NCOA3: variants seen among roughly 807,000 people sequenced by gnomAD.
The protein encoded by NCOA3 is nuclear receptor coactivator 3.
In NCOA3, 51 loss-of-function variants were observed where a neutral mutation model predicts 158.8. That is an observed-to-expected ratio of 0.32 (90% CI 0.26 to 0.41). The LOEUF (loss-of-function observed/expected upper bound fraction) is 0.41. NCOA3 is among the 10% of genes least tolerant of loss of function. The pLI is 1.00. For missense variants in NCOA3, 1,510 were observed against 1,746.6 expected (o/e 0.86, Z 2.41); for synonymous variants, 537 against 592.4 (o/e 0.91, Z 1.36).
chr20:47,634,313 T>A lies in NCOA3; in HGVS notation c.1112+118T>A, dbSNP rs2086474118. The A allele has an allele frequency of 6.3e-6, 6 of 958,704 alleles. No individual in the cohort carries two copies. The South Asian group carries it at 8.4e-5, about 13-fold the overall frequency. 59.4% of individuals were successfully genotyped at this position (958,704 alleles called of 1,614,324 possible). On this transcript the variant is annotated intron_variant, in intron 10 of 22. Coordinates refer to ENST00000371998, the MANE Select transcript of NCOA3 (RefSeq NM_181659.3). ...GACAAAATTTAGGAAGGTTATTGGGTTTGATGAAATGAGTTTAGATTCCTG... is the reference window on the plus strand; with the variant it reads ...GACAAAATTTAGGAAGGTTATTGGGATTGATGAAATGAGTTTAGATTCCTG...
At chr20:47,561,957 T>TC (rs2085113837) in intron 1 of NCOA3, among the ~76,000 whole-genome samples, 1 of 151,950 alleles carries the variant, frequency 6.6e-6, no homozygotes. Context: ...ATTGATCATT[T>TC]TATTGTCCCC....
In NCOA3 at chr20:47,651,241, C is replaced by T; in HGVS notation, c.3911C>T (p.Ala1304Val). Residue 1304 changes from alanine (A) to valine (V), a missense_variant, in exon 20 of 23, where the codon GCT becomes GTT. By Grantham distance (64) the Ala-to-Val change is moderately conservative. Around this residue, in one of 4 missense-constraint regions of NCOA3, gnomAD observed 180 missense variants for 199.3 expected, o/e 0.90. Coordinates refer to ENST00000371998, the MANE Select transcript of NCOA3 (RefSeq NM_181659.3). ...TTGGCAGGACCCACAATGCCACAAG[C>T]TCCTCCGCAACAGTTTCCATATCAA... ...GLLAGPTMPQ[A>V]PPQQFPYQPN... The T allele has an allele frequency of 6.2e-7, 1 of 1,612,764 alleles. No homozygotes were observed. The highest frequency in any genetic ancestry group is 8.5e-7 in the Non-Finnish European group (1 of 1,178,822).
At chr20:47,631,159 G>A (rs550644727) in intron 8 of NCOA3, 102 of 152,358 alleles carry the variant, frequency 6.7e-4, no homozygotes, top group African/African-American at 2.3e-3. Context: ...AGCCATGGAA[G>A]CTGGTCACAT....
At chr20:47,647,613 TTACTTGA>T (rs2086710219) in intron 18 of NCOA3, among the ~76,000 whole-genome samples, 1 of 152,214 alleles carries the variant, frequency 6.6e-6, no homozygotes, top group Non-Finnish European at 1.5e-5. Context: ...AAGAAAAATG[TTACTTGA>T]TGACTTTGTA....
chr20:47,564,270 T>A (rs1408016678), intron 1 of NCOA3, among the ~76,000 whole-genome samples: 2 of 152,214 alleles, frequency 1.3e-5, no homozygotes, highest in Non-Finnish European at 2.9e-5. Flanking sequence ...TGCTTGCATT[T>A]TTTTTTTCAA....
chr20:47,550,837 A>G (rs1440935335), intron 1 of NCOA3, among the ~76,000 whole-genome samples: 1 of 152,168 alleles, frequency 6.6e-6, no homozygotes, highest in Non-Finnish European at 1.5e-5. Flanking sequence ...GAACAGATTC[A>G]CTGACAGTGA....
chr20:47,547,392 T>C (rs2084848521), intron 1 of NCOA3, among the ~76,000 whole-genome samples: 2 of 149,504 alleles, frequency 1.3e-5, no homozygotes, highest in South Asian at 2.1e-4. Flanking sequence ...TTGTTGATTT[T>C]ATTTTATTTT....
intron 2 of NCOA3, among the ~76,000 whole-genome samples, chr20:47,603,335 G>A (rs1029389596): frequency 2.0e-5 from 3 of 152,222 alleles, no homozygotes; most frequent in African/African-American, 7.2e-5. Context: ...CATCTGTTCC[G>A]TGCTCTCAAA....
chr20:47,639,654 A>G lies in NCOA3; in HGVS notation c.2785A>G (p.Arg929Gly). Residue 929 changes from arginine to glycine, a missense_variant, in exon 15 of 23, where the codon AGA (arginine) becomes GGA (glycine). By Grantham distance (125) the Arg-to-Gly change is moderately radical. Coordinates refer to ENST00000371998, the MANE Select transcript of NCOA3 (RefSeq NM_181659.3). ...GGGCTTACCAAACTCAAAGGCCGGC[A>G]GAATGGAACCTATGAATTCAAACTC... Reference protein sequence around the residue: ...DWGLPNSKAGRMEPMNSNSMG... With the variant: ...DWGLPNSKAGGMEPMNSNSMG... The G allele has an allele frequency of 1.9e-6, 3 of 1,614,050 alleles. No homozygotes were observed. The highest frequency in any genetic ancestry group is 2.5e-6 in the Non-Finnish European group (3 of 1,179,928).
chr20:47,649,242 A>G (rs1337304619), intron 19 of NCOA3, 133 bp downstream of exon 19: 11 of 546,900 alleles, frequency 2.0e-5, no homozygotes, highest in African/African-American at 3.8e-5. Context: ...AAGCAGTCGC[A>G]TTAAAGACTT....
At chr20:47,565,162 G>C (rs756201817) in intron 1 of NCOA3, among the ~76,000 whole-genome samples, 21 of 152,154 alleles carry the variant, frequency 1.4e-4, no homozygotes, top group Admixed American at 6.5e-4. Context: ...TGTATTTTTA[G>C]TAGAGACGAG....
chr20:47,642,227 A>G lies in NCOA3; in HGVS notation c.3095A>G (p.Asn1032Ser). ...TCTTTTTCTAGGCCTCTTCTTAGGA[A>G]TTCCCTGGATGATCTTGTTGGGCCA... ...HGTQNRPLLR[N>S]SLDDLVGPPS... is the part of the protein sequence containing the mutation. The change falls in exon 17 of 23, where the codon AAT (asparagine) becomes AGT (serine). Residue 1032 changes from asparagine to serine, a missense_variant. Around this residue, in one of 4 missense-constraint regions of NCOA3, gnomAD observed 1,017 missense variants for 1,098.3 expected, o/e 0.93. Transcript: ENST00000371998. 3 of 1,588,412 alleles carry G rather than the reference A, an allele frequency of 1.9e-6. No homozygotes were observed. The highest frequency in any genetic ancestry group is 2.6e-6 in the Non-Finnish European group (3 of 1,172,288).
intron 1 of NCOA3, among the ~76,000 whole-genome samples, chr20:47,549,425 T>G (rs1361535210): frequency 1.3e-5 from 2 of 151,666 alleles, no homozygotes; most frequent in African/African-American, 4.8e-5. Context: ...GGGCACAGGA[T>G]GACAGGTACC....
rs1004588244 is a variant in NCOA3 at position 47,653,616 on chromosome 20, C to T, written c.*199C>T. ...GGGCAATATCTACGTGTTTTTCCCC[C>T]CTCCTTCTGCTGTGTATCATGGTGT... On this transcript the variant is annotated 3_prime_UTR_variant, in exon 23 of 23. Coordinates refer to ENST00000371998, the MANE Select transcript of NCOA3 (RefSeq NM_181659.3). The T allele has an allele frequency of 1.5e-6, 1 of 650,914 alleles. No individual in the cohort carries two copies. The highest frequency in any genetic ancestry group is 2.7e-6 in the Non-Finnish European group (1 of 371,046). The allele number at this position is 650,914 out of a possible 1,614,324, so 40.3% of individuals were successfully genotyped here.
At chr20:47,613,443 G>A (rs2086075573) in intron 2 of NCOA3, among the ~76,000 whole-genome samples, 1 of 150,502 alleles carries the variant, frequency 6.6e-6, no homozygotes, top group Non-Finnish European at 1.5e-5. Flanking sequence ...TGTTTTCTGG[G>A]GCTAAAATGA....
chr20:47,530,327 A>T (rs978578797), intron 1 of NCOA3, among the ~76,000 whole-genome samples: 1 of 152,196 alleles, frequency 6.6e-6, no homozygotes, highest in Non-Finnish European at 1.5e-5. Context: ...ACAGGGTTTT[A>T]TACATACAGA....
At chr20:47,649,585 C>G (rs190860416) in intron 19 of NCOA3, among the ~76,000 whole-genome samples, 3 of 151,692 alleles carry the variant, frequency 2.0e-5, no homozygotes, top group African/African-American at 4.9e-5. Context: ...CCTTCTACTT[C>G]CAGCCAGTGG....
chr20:47,511,996 T>C (rs901097366), intron 1 of NCOA3, among the ~76,000 whole-genome samples: 2 of 151,988 alleles, frequency 1.3e-5, no homozygotes, highest in African/African-American at 4.8e-5. Context: ...AAAATTACAC[T>C]TGTACCCCAT....
chr20:47,533,941 A>G (rs1013411298), intron 1 of NCOA3, among the ~76,000 whole-genome samples: 2 of 152,030 alleles, frequency 1.3e-5, no homozygotes, highest in Non-Finnish European at 2.9e-5. Context: ...ACAAAAACAA[A>G]CGAAAAAACA....
Sources: gnomAD v4.1 joint callset for allele counts (sites outside exome capture counted in the v4.1 genomes callset) on GRCh38, gnomAD v4.1.1 for gene constraint, gnomAD v4.1.1 regional missense constraint, MANE v1.5 for transcripts, NCBI Gene and HGNC (gene_info 2026-07-23, HGNC 2026-07-21) for gene names.